The following TPR variants were observed in gnomAD, a reference collection of about 807,000 sequenced individuals.
TPR encodes nucleoprotein TPR.
Under a neutral mutation model 316.1 loss-of-function variants are expected in TPR, and 51 were observed. The observed-to-expected ratio is 0.16, with a 90% CI of 0.13 to 0.20. TPR has a LOEUF of 0.20. Ranked by LOEUF, TPR falls within the 10% of genes least tolerant of loss-of-function variation. TPR has a pLI of 1.00. For synonymous variants in TPR, 981 were observed against 914.7 expected, an observed-to-expected ratio of 1.07 and a Z score of -1.31; for missense variants, 2,272 against 2,754.8, an observed-to-expected ratio of 0.82 and a Z score of 3.92.
rs968916229 is a variant in TPR at position 186,350,274 on chromosome 1, T to C, written c.2725A>G (p.Ser909Gly). The change falls in exon 21 of 51, where the codon AGT (serine) becomes GGT (glycine). Residue 909 changes from serine (S) to glycine (G), a missense_variant. Physicochemically the swap from Ser to Gly is moderately conservative, Grantham distance 56. This residue lies in a region of TPR where 757 missense variants were observed against 859.8 expected (regional missense o/e 0.88). Transcript: ENST00000367478. ...KEIATLKQHLSNMEVQVASQS... is the reference protein window; with the variant it reads ...KEIATLKQHLGNMEVQVASQS... ...GAAGCAACTTGGACTTCCATATTAC[T>C]GAGGTGCTGTTTCAATGTGGCAATT... is the stretch of plus-strand genomic sequence containing the variant. The C allele has an allele frequency of 3.1e-6, 5 of 1,613,624 alleles. No individual in the cohort carries two copies. The highest frequency in any genetic ancestry group is 1.3e-5 in the African/African-American group (1 of 74,922).
At chr1:186,356,258 T>G in intron 15 of TPR, 28 bp downstream of exon 15, 1 of 1,547,556 alleles carries the variant, frequency 6.5e-7, no homozygotes, top group Non-Finnish European at 8.8e-7. Context: ...TCTAAATTAT[T>G]CCTTAAAATA....
At chr1:186,364,237 T>C (rs1659271739) in intron 4 of TPR, among the ~76,000 whole-genome samples, 1 of 152,190 alleles carries the variant, frequency 6.6e-6, no homozygotes, top group South Asian at 2.1e-4. Flanking sequence ...CTAGTGATGT[T>C]GGAAGTACTT....
Position 186,313,978 on chromosome 1 carries a change from A to T in TPR, c.7085T>A (p.Ile2362Asn), listed in dbSNP as rs181194443. 20 of 1,611,824 alleles carry T rather than the reference A, an allele frequency of 1.2e-5. No individual in the cohort carries two copies. In the South Asian group the frequency reaches 1.5e-4, roughly 12 times the overall value. ...GGRGGINRGN[I>N]N Reference sequence around the variant, plus strand: ...TTATTGTTTACAGACCATTTAATTAATATTTCCTCTGTTTATTCCTCCTCT... The same window carrying T: ...TTATTGTTTACAGACCATTTAATTATTATTTCCTCTGTTTATTCCTCCTCT... Residue 2362 changes from isoleucine (I) to asparagine (N), a missense_variant, in exon 51 of 51, where the codon ATT becomes AAT. Physicochemically the swap from Ile to Asn is moderately radical, Grantham distance 149. Transcript: ENST00000367478.
Position 186,313,607 on chromosome 1 carries a change from A to G in TPR, c.*364T>C. 1 of 861,814 alleles carries G rather than the reference A, an allele frequency of 1.2e-6. No individual in the cohort carries two copies. Among genetic ancestry groups the G allele is most frequent in the Non-Finnish European group, 2.0e-6 (1 of 497,536 alleles). The allele number at this position is 861,814 out of a possible 1,614,324, so 53.4% of individuals were successfully genotyped here. On this transcript the variant is annotated 3_prime_UTR_variant, in exon 51 of 51. Coordinates refer to ENST00000367478, the MANE Select transcript of TPR (RefSeq NM_003292.3). ...GATAAACATTGTCTTTGAGCATAAT[A>G]GTCAACATAAGTTATTTTTTAGTTT...
Position 186,360,015 on chromosome 1 carries a change from T to A in TPR, c.1192-19A>T. The A allele has an allele frequency of 6.3e-7, 1 of 1,599,616 alleles. No homozygotes were observed. The highest frequency in any genetic ancestry group is 8.5e-7 in the Non-Finnish European group (1 of 1,175,992). ...TATAGAGCTGAAAGTAGACAAAGGG[T>A]TGTTTCAAATCTAACCATAACAACG... On this transcript the variant is annotated intron_variant, in intron 11 of 50. Coordinates refer to ENST00000367478, the MANE Select transcript of TPR (RefSeq NM_003292.3).
chr1:186,312,135 T>C lies in TPR; in HGVS notation c.*1836A>G. The C allele has an allele frequency of 6.3e-7, 1 of 1,583,618 alleles. No homozygotes were observed. The highest frequency in any genetic ancestry group is 1.7e-5 in the Admixed American group (1 of 59,944). ...TCCACCTTTTCTGAGGGTATTAAAA[T>C]TAATTTTCATTTTCCATGTGATATT... On this transcript the variant is annotated 3_prime_UTR_variant, in exon 51 of 51. Coordinates refer to ENST00000367478, the MANE Select transcript of TPR (RefSeq NM_003292.3).
chr1:186,337,994 T>C, intron 31 of TPR, 39 bp downstream of exon 31: 1 of 1,475,272 alleles, frequency 6.8e-7, no homozygotes, highest in Non-Finnish European at 9.1e-7. Context: ...ATAACATTCA[T>C]CCTAGTTTTT....
At chr1:186,351,620 AT>A in intron 19 of TPR, 150 bp from the exon 20 acceptor site, 1 of 813,696 alleles carries the variant, frequency 1.2e-6, no homozygotes, top group East Asian at 3.0e-5. Context: ...GTATTCTGGT[AT>A]TTTTTATATT....
In TPR at chr1:186,337,037, T is replaced by G. The variant is rs780236572; in HGVS notation, c.4482A>C (p.Glu1494Asp). The change falls in exon 32 of 51, where the codon GAA (glutamate) becomes GAC (aspartate). Residue 1494 changes from glutamate to aspartate, a missense_variant. Physicochemically the swap from Glu to Asp is conservative, Grantham distance 45. This residue lies in a region of TPR where 101 missense variants were observed against 113.0 expected (regional missense o/e 0.89). Transcript: ENST00000367478. The part of the protein sequence containing the change: ...NQAETKSKSL[E>D]SQVENLQKTL... ...CCTTCTGCAGATTCTCTACTTGACT[T>G]TCAAGTGATTTTGATTTTGTTTCAG... The G allele has an allele frequency of 1.8e-5, 29 of 1,613,870 alleles. No homozygotes were observed. Among genetic ancestry groups the G allele is most frequent in the Non-Finnish European group, 2.4e-5 (28 of 1,179,796 alleles).
At chr1:186,361,570 A>T in intron 9 of TPR, 52 bp downstream of exon 9, 2 of 1,577,206 alleles carry the variant, frequency 1.3e-6, no homozygotes, top group South Asian at 2.3e-5. Flanking sequence ...GGGTAAAAAA[A>T]AAAAAAGAGT....
intron 2 of TPR, among the ~76,000 whole-genome samples, chr1:186,372,553 G>GA (rs111741997): frequency 2.0e-5 from 3 of 149,836 alleles, no homozygotes; most frequent in African/African-American, 2.5e-5. Context: ...AAAAAAAAAG[G>GA]AAAAAAAAAA....
Position 186,350,378 on chromosome 1 carries a change from A to G in TPR, c.2621T>C (p.Leu874Ser). 6.3e-7 allele frequency: 1 copy of G among 1,597,884 alleles called. No homozygotes were observed. ...TLTRNLDVQL[L>S]DTKRQLDTET... is the part of the protein sequence containing the mutation. ...TGTATCCAGTTGTCTCTTTGTATCTAAAAGTTGAACCTATAAAATACATTA... is the reference window on the plus strand; with the variant it reads ...TGTATCCAGTTGTCTCTTTGTATCTGAAAGTTGAACCTATAAAATACATTA... Residue 874 changes from leucine (L) to serine (S), a missense_variant, in exon 21 of 51, where the codon TTA becomes TCA. By Grantham distance (145) the Leu-to-Ser change is moderately radical. Around this residue, in one of 10 missense-constraint regions of TPR, gnomAD observed 757 missense variants for 859.8 expected, o/e 0.88. Coordinates refer to ENST00000367478, the MANE Select transcript of TPR (RefSeq NM_003292.3).
intron 24 of TPR, among the ~76,000 whole-genome samples, chr1:186,345,147 T>C (rs780123124): frequency 1.5e-5 from 2 of 129,724 alleles, no homozygotes; most frequent in Non-Finnish European, 3.5e-5. Flanking sequence ...AAAATAATGA[T>C]ACTTTTTTAA....
chr1:186,319,781 C>T (rs545136155), intron 46 of TPR, among the ~76,000 whole-genome samples: 1 of 152,278 alleles, frequency 6.6e-6, no homozygotes, highest in East Asian at 1.9e-4. Flanking sequence ...ATCAATTCCA[C>T]AAACAGCATA....
intron 40 of TPR, among the ~76,000 whole-genome samples, chr1:186,326,977 AT>A (rs1657952557): frequency 8.7e-6 from 1 of 115,234 alleles, no homozygotes; most frequent in Non-Finnish European, 1.7e-5. Flanking sequence ...AAAACAATAT[AT>A]ATAATCTATT....
chr1:186,354,469 C>A (rs187516379), intron 17 of TPR, among the ~76,000 whole-genome samples: 3 of 152,106 alleles, frequency 2.0e-5, no homozygotes, highest in African/African-American at 7.2e-5. Context: ...TGAAAGCTGA[C>A]ATAATGGCTG....
At chr1:186,325,973 A>T in intron 41 of TPR, 119 bp from the exon 42 acceptor site, 1 of 1,558,368 alleles carries the variant, frequency 6.4e-7, no homozygotes. Flanking sequence ...TAACAACAAA[A>T]AACAAAACAA....
At chr1:186,357,654 T>C (rs1261027365) in intron 13 of TPR, 31 bp from the exon 14 acceptor site, 7 of 1,569,092 alleles carry the variant, frequency 4.5e-6, no homozygotes, top group South Asian at 2.3e-5. Flanking sequence ...TGTTATAAAA[T>C]AGTATTAGTT....
chr1:186,360,029 A>C, intron 11 of TPR, 33 bp from the exon 12 acceptor site: 1 of 1,582,018 alleles, frequency 6.3e-7, no homozygotes, highest in African/African-American at 1.4e-5. Flanking sequence ...TTCAAATCTA[A>C]CCATAACAAC....
Sources: allele counts gnomAD v4.1 joint callset (sites outside exome capture counted in the v4.1 genomes callset), GRCh38; gene constraint gnomAD v4.1.1; regional missense constraint gnomAD v4.1.1; transcripts MANE v1.5; gene names NCBI Gene and HGNC (gene_info 2026-07-23, HGNC 2026-07-21).